Variants in RBMS3 observed in about 807,000 individuals in gnomAD.
The protein encoded by RBMS3 is RNA binding motif single stranded interacting protein 3, also known as RNA-binding motif, single-stranded-interacting protein 3.
In RBMS3, 27 loss-of-function variants were observed where a neutral mutation model predicts 66.8. The ratio of observed to expected loss-of-function variants is 0.40; its 90% confidence interval spans 0.30 to 0.56. The LOEUF is 0.56. Among genes scored for constraint, RBMS3 ranks in the 20% least tolerant of loss-of-function variants. The probability of loss-of-function intolerance (pLI) is 0.40; values close to 1 mark genes in which losing one functional copy is unlikely to be tolerated. For missense variants in RBMS3, 513 were observed against 549.5 expected, an observed-to-expected ratio of 0.93 and a Z score of 0.66; for synonymous variants, 188 against 183.0, an observed-to-expected ratio of 1.03 and a Z score of -0.22.
intron 4 of RBMS3, chr3:29,616,525 T>C (rs9842064): frequency 0.055 from 8,519 of 156,040 alleles, 529 homozygotes; most frequent in East Asian, 0.33. Context: ...TACAAATCAA[T>C]GCATTTGTGT....
At position 30,010,067 on chromosome 3, in the gene RBMS3, GTC is replaced by G. The variant is rs1699919105; in HGVS notation, c.*6209_*6210del. ...AGTAGTATCTGCTATGAGATATTCA[GTC>G]TCTATAAAAAAAAAAAGGGACACAG... On this transcript the variant is annotated 3_prime_UTR_variant, in exon 15 of 15. Coordinates refer to ENST00000383767, the MANE Select transcript of RBMS3 (RefSeq NM_001003793.3). 7.0e-6 allele frequency: 1 copy of G among 142,012 alleles called. No homozygotes were observed. Among genetic ancestry groups the G allele is most frequent in the African/African-American group, 3.0e-5 (1 of 33,608 alleles). The allele number at this position is 142,012 out of a possible 1,614,324, so 8.8% of individuals were successfully genotyped here. A position where few individuals can be genotyped will look rare whatever the true frequency, so the allele number is the denominator to read the frequency against.
intron 12 of RBMS3, among the ~76,000 whole-genome samples, chr3:29,951,242 C>G (rs11717088): frequency 1.3e-5 from 2 of 151,626 alleles, no homozygotes; most frequent in Non-Finnish European, 2.9e-5. Context: ...AAATGAAAGA[C>G]GATTTTGATT....
chr3:29,808,049 C>T (rs368383281), intron 6 of RBMS3, among the ~76,000 whole-genome samples: 12 of 151,928 alleles, frequency 7.9e-5, no homozygotes, highest in African/African-American at 2.7e-4. Context: ...ACTTCTCCAA[C>T]ACCAGGTTTA....
chr3:29,858,375 T>C (rs2059132688), intron 6 of RBMS3, among the ~76,000 whole-genome samples: 1 of 152,158 alleles, frequency 6.6e-6, no homozygotes, highest in Non-Finnish European at 1.5e-5. Context: ...AGTGCAATAC[T>C]CTGGAGCCAA....
At chr3:29,364,593 C>G (rs1004619717) in intron 1 of RBMS3, among the ~76,000 whole-genome samples, 4 of 152,126 alleles carry the variant, frequency 2.6e-5, no homozygotes, top group African/African-American at 9.7e-5. Context: ...TAGTATCAGT[C>G]TTGGGCCTTC....
At chr3:29,686,098 C>T (rs572155640) in intron 4 of RBMS3, among the ~76,000 whole-genome samples, 59 of 152,296 alleles carry the variant, frequency 3.9e-4, no homozygotes, top group Non-Finnish European at 7.8e-4. Context: ...TGGGTACCAA[C>T]TAGCCTTTAG....
At chr3:29,929,649 G>A (rs970700145) in intron 10 of RBMS3, among the ~76,000 whole-genome samples, 4 of 151,978 alleles carry the variant, frequency 2.6e-5, no homozygotes, top group African/African-American at 9.7e-5. Flanking sequence ...GAAATTAAAA[G>A]TGTGATTAAG....
intron 5 of RBMS3, among the ~76,000 whole-genome samples, chr3:29,761,334 C>T (rs534481099): frequency 1.3e-5 from 2 of 152,238 alleles, no homozygotes; most frequent in South Asian, 2.1e-4. Context: ...AACTGGAACT[C>T]GTTCCTGATA....
At chr3:29,569,001 A>AG (rs2046841435) in intron 3 of RBMS3, among the ~76,000 whole-genome samples, 1 of 152,146 alleles carries the variant, frequency 6.6e-6, no homozygotes, top group East Asian at 1.9e-4. Flanking sequence ...CAAAATGTAC[A>AG]GCCTGATTCA....
At chr3:29,472,943 G>C (rs928338118) in intron 2 of RBMS3, among the ~76,000 whole-genome samples, 1 of 147,828 alleles carries the variant, frequency 6.8e-6, no homozygotes, top group African/African-American at 2.5e-5. Context: ...AGAGCCGAGT[G>C]GTCTGTTTTG....
chr3:29,990,206 T>C (rs2149799626), intron 13 of RBMS3, among the ~76,000 whole-genome samples: 1 of 145,576 alleles, frequency 6.9e-6, no homozygotes, highest in Admixed American at 6.9e-5. Flanking sequence ...AAAGATTGAA[T>C]AGAGAGACTT....
chr3:29,737,577 T>A (rs980826784), intron 4 of RBMS3, among the ~76,000 whole-genome samples: 3 of 152,190 alleles, frequency 2.0e-5, no homozygotes, highest in Non-Finnish European at 4.4e-5. Context: ...GCCAAACTAC[T>A]TTTGGAGCGA....
chr3:29,311,222 C>CT (rs2034354572), intron 1 of RBMS3, among the ~76,000 whole-genome samples: 1 of 151,738 alleles, frequency 6.6e-6, no homozygotes, highest in African/African-American at 2.4e-5. Flanking sequence ...GTTAGGTTCT[C>CT]TTATTATCTC....
chr3:29,550,565 TAA>T (rs1233783182), intron 3 of RBMS3, among the ~76,000 whole-genome samples: 3 of 152,126 alleles, frequency 2.0e-5, no homozygotes, highest in Admixed American at 6.6e-5. Flanking sequence ...TAATGTAACA[TAA>T]GACTATTATA....
At chr3:29,989,933 C>A (rs76607654) in intron 13 of RBMS3, among the ~76,000 whole-genome samples, 1 of 152,120 alleles carries the variant, frequency 6.6e-6, no homozygotes, top group Non-Finnish European at 1.5e-5. Context: ...TACTTATCTA[C>A]AAAATTTGAC....
chr3:29,601,358 A>G (rs1006673118), intron 4 of RBMS3, among the ~76,000 whole-genome samples: 5 of 151,936 alleles, frequency 3.3e-5, no homozygotes, highest in Admixed American at 2.6e-4. Flanking sequence ...GAAATTATGA[A>G]ATTGGGGGGC....
At chr3:29,713,670 G>A (rs1048508323) in intron 4 of RBMS3, among the ~76,000 whole-genome samples, 4 of 152,100 alleles carry the variant, frequency 2.6e-5, no homozygotes, top group African/African-American at 7.2e-5. Flanking sequence ...ATACTTTAAT[G>A]CATTCTCATA....
At chr3:29,586,942 A>T (rs1017639927) in intron 3 of RBMS3, among the ~76,000 whole-genome samples, 172 bp from the exon 4 acceptor site, 3 of 152,114 alleles carry the variant, frequency 2.0e-5, no homozygotes, top group Admixed American at 1.3e-4. Context: ...AGACATTATG[A>T]TGTTATCTCT....
chr3:29,902,687 C>T (rs2060284651), intron 10 of RBMS3, among the ~76,000 whole-genome samples: 1 of 151,838 alleles, frequency 6.6e-6, no homozygotes, highest in Admixed American at 6.6e-5. Flanking sequence ...TCTTCTCTGT[C>T]ACATTTTCTC....
Sources: allele counts gnomAD v4.1 joint callset (sites outside exome capture counted in the v4.1 genomes callset), GRCh38; gene constraint gnomAD v4.1.1; transcripts MANE v1.5; gene names NCBI Gene and HGNC (gene_info 2026-07-23, HGNC 2026-07-21).